Variants in CWC27 observed in about 807,000 individuals in gnomAD.
The protein encoded by CWC27 is CWC27 spliceosome associated cyclophilin.
Under a neutral mutation model 63.6 loss-of-function variants are expected in CWC27, and 47 were observed. That is an observed-to-expected ratio of 0.74 (90% CI 0.58 to 0.94). The LOEUF (loss-of-function observed/expected upper bound fraction) is 0.94, where lower values mean the gene tolerates loss of function less well. Among genes scored for constraint, CWC27 ranks in the 40% least tolerant of loss-of-function variants. The pLI, the probability that CWC27 is intolerant of heterozygous loss-of-function variation, is 0.00. For synonymous variants in CWC27, 175 were observed against 179.8 expected (o/e 0.97, Z 0.22); for missense variants, 495 against 554.3 (o/e 0.89, Z 1.07).
intron 13 of CWC27, among the ~76,000 whole-genome samples, chr5:64,991,497 G>C (rs1329822767): frequency 6.6e-6 from 1 of 152,214 alleles, no homozygotes; most frequent in Non-Finnish European, 1.5e-5. Context: ...GGCTGAGATG[G>C]GAGGACCACT....
intron 10 of CWC27, among the ~76,000 whole-genome samples, chr5:64,868,294 T>A (rs946303762): frequency 2.0e-5 from 3 of 150,940 alleles, no homozygotes; most frequent in Admixed American, 6.6e-5. Context: ...TACCTGAGTT[T>A]GTTTATTATT....
intron 10 of CWC27, among the ~76,000 whole-genome samples, chr5:64,815,180 C>T (rs1176517511): frequency 1.3e-5 from 2 of 152,086 alleles, no homozygotes; most frequent in East Asian, 1.9e-4. Context: ...TATTCAATTG[C>T]TTTCTTTATT....
chr5:64,824,016 A>C (rs1377810962), intron 10 of CWC27, among the ~76,000 whole-genome samples: 1 of 152,198 alleles, frequency 6.6e-6, no homozygotes, highest in African/African-American at 2.4e-5. Context: ...GTGTCTACCA[A>C]TGTGATTATA....
intron 3 of CWC27, among the ~76,000 whole-genome samples, 177 bp from the exon 4 acceptor site, chr5:64,783,659 A>G (rs980872421): frequency 6.6e-5 from 10 of 152,244 alleles, no homozygotes; most frequent in African/African-American, 2.4e-4. Flanking sequence ...TAGAAGATAC[A>G]GTCTAGTGAA....
At chr5:64,796,909 T>G (rs1402995876) in intron 7 of CWC27, among the ~76,000 whole-genome samples, 1 of 146,348 alleles carries the variant, frequency 6.8e-6, no homozygotes, top group African/African-American at 2.5e-5. Context: ...CCTCCCTTCC[T>G]TCCTTTCTTC....
At chr5:64,841,328 G>A (rs138098387) in intron 10 of CWC27, among the ~76,000 whole-genome samples, 6 of 152,282 alleles carry the variant, frequency 3.9e-5, no homozygotes, top group African/African-American at 7.2e-5. Flanking sequence ...CATGATAATG[G>A]CATTAATCTA....
Position 64,949,124 on chromosome 5 carries a change from A to ATT in CWC27, c.1043-22570_1043-22569dup, listed in dbSNP as rs913841762. Reference sequence around the variant, plus strand: ...ACTTTATTTAGACTTTTTAGATATGATTTTTTTTTTAGGAACCTTGGGAAA... The same window carrying ATT: ...ACTTTATTTAGACTTTTTAGATATGATTTTTTTTTTTTAGGAACCTTGGGAAA... On this transcript the variant is annotated intron_variant, in intron 11 of 13. Transcript: ENST00000381070. Among the ~76,000 whole-genome samples, 82 of 149,012 alleles carry ATT rather than the reference A, an allele frequency of 5.5e-4. 1 individual carries two copies. The highest frequency in any genetic ancestry group is 1.9e-3 in the African/African-American group (78 of 40,704).
chr5:64,869,913 T>C (rs775357635), intron 10 of CWC27, among the ~76,000 whole-genome samples: 16 of 152,098 alleles, frequency 1.1e-4, no homozygotes, highest in Admixed American at 2.6e-4. Context: ...TACAAAAACT[T>C]CCCTTTTCTC....
rs73759476 is a variant in CWC27 at position 64,777,725 on chromosome 5, T to G, written c.139+2938T>G. 4.4e-3 allele frequency among the ~76,000 whole-genome samples: 664 copies of G among 152,204 alleles called. 7 individuals carry two copies. Among genetic ancestry groups the G allele is most frequent in the African/African-American group, 0.015 (629 of 41,548 alleles). ...AATAATAAAGCTTTTTCAAAACACTTGTGATGATGCATAAAAATTTAAGAA... is the reference window on the plus strand; with the variant it reads ...AATAATAAAGCTTTTTCAAAACACTGGTGATGATGCATAAAAATTTAAGAA... On this transcript the variant is annotated intron_variant, in intron 2 of 13. Transcript: ENST00000381070.
In CWC27 at chr5:64,977,053, C is replaced by T. The variant is rs796634867; in HGVS notation, c.1153-82C>T. 7.6e-6 allele frequency: 6 copies of T among 788,806 alleles called. No homozygotes were observed. In the African/African-American group the frequency reaches 1.1e-4, roughly 14 times the overall value. The allele number at this position is 788,806 out of a possible 1,614,324, so 48.9% of individuals were successfully genotyped here. The stretch of plus-strand genomic sequence containing the variant: ...TGTTTTACATCCAAGTAGGATATTT[C>T]CTTTTCTACCAAACTTAAGCATCTC... On this transcript the variant is annotated intron_variant, in intron 12 of 13. Transcript: ENST00000381070.
intron 13 of CWC27, among the ~76,000 whole-genome samples, chr5:64,989,258 T>C (rs563586088): frequency 6.6e-6 from 1 of 152,370 alleles, no homozygotes; most frequent in Admixed American, 6.5e-5. Flanking sequence ...TGTACTGTTC[T>C]GCTTTTCCTC....
intron 10 of CWC27, among the ~76,000 whole-genome samples, chr5:64,858,202 G>A (rs1746306792): frequency 7.1e-6 from 1 of 141,408 alleles, no homozygotes; most frequent in African/African-American, 2.6e-5. Flanking sequence ...GCTCATGCCT[G>A]TAATCCCAGC....
intron 11 of CWC27, among the ~76,000 whole-genome samples, chr5:64,928,197 T>A (rs973316725): frequency 6.6e-6 from 1 of 152,112 alleles, no homozygotes; most frequent in Non-Finnish European, 1.5e-5. Context: ...ATTCACTGTG[T>A]TTCCTCAGTC....
At chr5:64,796,382 G>A (rs925290413) in intron 7 of CWC27, among the ~76,000 whole-genome samples, 1 of 152,044 alleles carries the variant, frequency 6.6e-6, no homozygotes, top group Non-Finnish European at 1.5e-5. Flanking sequence ...TGGAGACTCA[G>A]GGAATAGTTG....
At chr5:64,849,185 A>G (rs1746066522) in intron 10 of CWC27, among the ~76,000 whole-genome samples, 1 of 151,940 alleles carries the variant, frequency 6.6e-6, no homozygotes, top group Non-Finnish European at 1.5e-5. Context: ...ACAATGAACT[A>G]TCTGAAAAAG....
At chr5:64,817,078 C>T (rs1745057161) in intron 10 of CWC27, among the ~76,000 whole-genome samples, 1 of 152,066 alleles carries the variant, frequency 6.6e-6, no homozygotes, top group South Asian at 2.1e-4. Flanking sequence ...CTTTTACTTT[C>T]TCATATGTTT....
intron 11 of CWC27, among the ~76,000 whole-genome samples, chr5:64,905,795 G>A (rs1427786777): frequency 1.3e-5 from 2 of 151,288 alleles, no homozygotes; most frequent in African/African-American, 2.4e-5. Flanking sequence ...TGTCATTTAT[G>A]TTAGATATTT....
intron 11 of CWC27, among the ~76,000 whole-genome samples, chr5:64,947,433 A>G (rs796932190): frequency 2.0e-5 from 3 of 152,224 alleles, no homozygotes; most frequent in African/African-American, 7.2e-5. Flanking sequence ...CTGTCTGATA[A>G]TAGTTGAGTC....
chr5:64,912,664 G>A (rs571129839), intron 11 of CWC27, among the ~76,000 whole-genome samples: 89 of 152,208 alleles, frequency 5.8e-4, no homozygotes, highest in Non-Finnish European at 1.0e-3. Context: ...ACAATGTGCA[G>A]ATAATCATCA....
Sources: gnomAD v4.1 joint callset for allele counts (sites outside exome capture counted in the v4.1 genomes callset) on GRCh38, gnomAD v4.1.1 for gene constraint, MANE v1.5 for transcripts, NCBI Gene and HGNC (gene_info 2026-07-23, HGNC 2026-07-21) for gene names.